Variants in COL4A4 observed in about 807,000 individuals in gnomAD.
COL4A4 encodes the protein collagen alpha-4(IV) chain.
COL4A4 carries 105 observed loss-of-function variants against 192.9 expected under a neutral mutation model. The observed-to-expected ratio is 0.54, with a 90% CI of 0.46 to 0.64. The LOEUF is 0.64. Ranked by LOEUF, COL4A4 falls within the 30% of genes least tolerant of loss-of-function variation. COL4A4 has a pLI of 0.00. For missense variants in COL4A4, 1,967 were observed against 2,169.3 expected, an observed-to-expected ratio of 0.91 and a Z score of 1.85; for synonymous variants, 762 against 769.9, an observed-to-expected ratio of 0.99 and a Z score of 0.17.
chr2:227,111,024 G>A (rs2061176267), intron 9 of COL4A4, among the ~76,000 whole-genome samples: 1 of 152,176 alleles, frequency 6.6e-6, no homozygotes, highest in Admixed American at 6.5e-5. Flanking sequence ...TCGAAAAACT[G>A]GAAAGACTAA....
chr2:227,075,943 C>T (rs928994740), intron 25 of COL4A4, among the ~76,000 whole-genome samples: 12 of 151,984 alleles, frequency 7.9e-5, no homozygotes, highest in Admixed American at 7.9e-4. Flanking sequence ...TATGAAGGAC[C>T]TCTTCAAGGA....
the COL4A4 span, among the ~76,000 whole-genome samples, chr2:226,987,392 T>TG: frequency 6.6e-6 from 1 of 151,910 alleles, no homozygotes; most frequent in African/African-American, 2.4e-5. Flanking sequence ...CAAAATGTGT[T>TG]GGAGGACATT....
the COL4A4 span, among the ~76,000 whole-genome samples, chr2:226,981,672 T>G: frequency 6.6e-6 from 1 of 152,138 alleles, no homozygotes; most frequent in African/African-American, 2.4e-5. Flanking sequence ...AAGTGGTTAA[T>G]TAGACTCAGG....
chr2:227,025,225 TTTCTC>T (rs1289477301), intron 43 of COL4A4, among the ~76,000 whole-genome samples: 3 of 152,198 alleles, frequency 2.0e-5, no homozygotes, highest in Non-Finnish European at 4.4e-5. Flanking sequence ...AATTTTTCTT[TTTCTC>T]TTCTGAGAAA....
chr2:227,104,188 A>G (rs1289448830), intron 12 of COL4A4, 136 bp from the exon 13 acceptor site: 5 of 746,098 alleles, frequency 6.7e-6, no homozygotes, highest in Non-Finnish European at 9.5e-6. Flanking sequence ...AGTACATCAT[A>G]GAATATAAAA....
chr2:226,985,329 T>C, the COL4A4 span, among the ~76,000 whole-genome samples: 1 of 152,232 alleles, frequency 6.6e-6, no homozygotes, highest in Non-Finnish European at 1.5e-5. Context: ...AACTGCTAGA[T>C]GCTGGCAAAT....
chr2:227,140,875 TCACACACACACACA>T (rs71036159), intron 3 of COL4A4, among the ~76,000 whole-genome samples: 149 of 139,842 alleles, frequency 1.1e-3, no homozygotes, highest in Admixed American at 1.4e-3. Flanking sequence ...CTTTAGAGCA[TCACACACACACACA>T]CACACACACA....
At position 227,136,315 on chromosome 2, in the gene COL4A4, T is replaced by G. The variant is rs73082256; in HGVS notation, c.192+3846A>C. Among the ~76,000 whole-genome samples, 865 of 152,192 alleles carry G rather than the reference T, an allele frequency of 5.7e-3. 7 individuals are homozygous for G. Among genetic ancestry groups the G allele is most frequent in the African/African-American group, 0.019 (805 of 41,532 alleles). On this transcript the variant is annotated intron_variant, in intron 4 of 47. Transcript: ENST00000396625. ...GACTGTGATGAGCAGAAAGGCCTTG[T>G]GGTTTGGCATCTCCACTGAGCTCCT...
chr2:227,114,532 G>A lies in COL4A4; in HGVS notation c.558+96C>T, dbSNP rs778368677. The A allele has an allele frequency of 3.2e-5, 31 of 980,290 alleles. No homozygotes were observed. The Admixed American group carries it at 4.6e-4, about 14-fold the overall frequency. 60.7% of individuals were successfully genotyped at this position (980,290 alleles called of 1,614,324 possible). A position where few individuals can be genotyped will look rare whatever the true frequency, so the allele number is the denominator to read the frequency against. On this transcript the variant is annotated intron_variant, in intron 8 of 47. Coordinates refer to ENST00000396625, the MANE Select transcript of COL4A4 (RefSeq NM_000092.5). ...AATGATAAAAATTGGTGTATTCAGG[G>A]ACATTTTGAAGAAAAATCCTGTCTG...
At chr2:227,146,518 G>T (rs988263592) in intron 2 of COL4A4, among the ~76,000 whole-genome samples, 1 of 151,976 alleles carries the variant, frequency 6.6e-6, no homozygotes, top group African/African-American at 2.4e-5. Flanking sequence ...TCTCATATTG[G>T]TTTCCTGTTT....
chr2:226,989,850 A>G, the COL4A4 span, among the ~76,000 whole-genome samples: 10 of 152,182 alleles, frequency 6.6e-5, no homozygotes, highest in Non-Finnish European at 1.2e-4. Context: ...TCTATTTCAC[A>G]ATGCAGGGTG....
chr2:227,060,174 G>T lies in COL4A4; in HGVS notation c.2126C>A (p.Pro709His). ...TATTTCCGCTGTTCCTGGTGTGCCA[G>T]GTCTGCCTTTATGCCCATCTGAACC... Reference protein sequence around the residue: ...LSGSDGHKGRPGTPGTAEIPG... With the variant: ...LSGSDGHKGRHGTPGTAEIPG... Residue 709 changes from proline to histidine, a missense_variant, in exon 27 of 48, where the codon CCT becomes CAT. By Grantham distance (77) the Pro-to-His change is moderately conservative. Coordinates refer to ENST00000396625, the MANE Select transcript of COL4A4 (RefSeq NM_000092.5). The T allele has an allele frequency of 6.2e-7, 1 of 1,609,092 alleles. No individual in the cohort carries two copies. The highest frequency in any genetic ancestry group is 8.5e-7 in the Non-Finnish European group (1 of 1,179,036).
At chr2:227,104,097 G>T (rs769516036) in intron 12 of COL4A4, 45 bp from the exon 13 acceptor site, 1 of 1,528,844 alleles carries the variant, frequency 6.5e-7, no homozygotes, top group East Asian at 2.2e-5. Flanking sequence ...ATTAATTTAT[G>T]TTTTGAAGGT....
intron 4 of COL4A4, among the ~76,000 whole-genome samples, chr2:227,137,571 G>T (rs1452380185): frequency 6.6e-6 from 1 of 152,224 alleles, no homozygotes; most frequent in Non-Finnish European, 1.5e-5. Context: ...TGGCATTTGG[G>T]ATGGATAATT....
intron 4 of COL4A4, among the ~76,000 whole-genome samples, chr2:227,126,565 C>T (rs572642382): frequency 1.3e-5 from 2 of 152,154 alleles, no homozygotes; most frequent in African/African-American, 2.4e-5. Context: ...GAAAAACTAA[C>T]ATAAATTTCT....
At chr2:227,149,358 G>A (rs12694714) in intron 1 of COL4A4, among the ~76,000 whole-genome samples, 58,719 of 151,728 alleles carry the variant, frequency 0.39, 11,495 homozygotes, top group Non-Finnish European at 0.42. Flanking sequence ...ACTCAGGGGT[G>A]CCTAAGGGAG....
chr2:227,100,440 A>T (rs568654741), intron 17 of COL4A4, among the ~76,000 whole-genome samples: 63 of 122,964 alleles, frequency 5.1e-4, no homozygotes, highest in East Asian at 1.0e-3. Flanking sequence ...AAAATATTTT[A>T]AAAAAAATAA....
At chr2:227,067,497 C>T (rs531867089) in intron 25 of COL4A4, among the ~76,000 whole-genome samples, 181 of 152,240 alleles carry the variant, frequency 1.2e-3, no homozygotes, top group African/African-American at 4.1e-3. Flanking sequence ...TGTAAAAGAA[C>T]AGAAATTATA....
At chr2:227,128,623 C>T (rs1252840132) in intron 4 of COL4A4, among the ~76,000 whole-genome samples, 2 of 152,102 alleles carry the variant, frequency 1.3e-5, no homozygotes, top group African/African-American at 4.8e-5. Flanking sequence ...ACCCTCTTTC[C>T]CTCATTCTCC....
Sources: gnomAD v4.1 joint callset for allele counts (sites outside exome capture counted in the v4.1 genomes callset) on GRCh38, gnomAD v4.1.1 for gene constraint, MANE v1.5 for transcripts, NCBI Gene and HGNC (gene_info 2026-07-23, HGNC 2026-07-21) for gene names.